OTOGL: variants seen among roughly 807,000 people sequenced by gnomAD.
OTOGL encodes the protein otogelin-like protein.
In OTOGL, 285 loss-of-function variants were observed where a neutral mutation model predicts 318.5. The ratio of observed to expected loss-of-function variants is 0.89; its 90% confidence interval spans 0.81 to 0.99. The LOEUF is 0.99. Among genes scored for constraint, OTOGL ranks in the 50% least tolerant of loss-of-function variants. OTOGL has a pLI of 0.00. For missense variants in OTOGL, 2,899 were observed against 2,845.6 expected, an observed-to-expected ratio of 1.02 and a Z score of -0.43; for synonymous variants, 987 against 936.5, an observed-to-expected ratio of 1.05 and a Z score of -0.99.
chr12:80,263,700 A>G lies in OTOGL; in HGVS notation c.2015-1301A>G, dbSNP rs180970979. Among the ~76,000 whole-genome samples, 14 of 152,144 alleles carry G rather than the reference A, an allele frequency of 9.2e-5. No individual in the cohort carries two copies. The East Asian group carries it at 2.1e-3, about 23-fold the overall frequency. The stretch of plus-strand genomic sequence containing the variant: ...CCATGAACTGTGATTTTTTTTTAAA[A>G]AAATTCAAATAGGTAAATTCAGGAA... On this transcript the variant is annotated intron_variant, in intron 19 of 58. Coordinates refer to ENST00000547103, the MANE Select transcript of OTOGL (RefSeq NM_001378609.3).
At chr12:80,219,737 A>G in intron 5 of OTOGL, 77 bp from the exon 6 acceptor site, 1 of 915,154 alleles carries the variant, frequency 1.1e-6, no homozygotes, top group Non-Finnish European at 1.7e-6. Flanking sequence ...AATTTGTCCA[A>G]GCTATATCTT....
At chr12:80,339,668 A>C (rs895852891) in intron 43 of OTOGL, among the ~76,000 whole-genome samples, 2 of 152,026 alleles carry the variant, frequency 1.3e-5, no homozygotes, top group Admixed American at 1.3e-4. Context: ...GAAAGTTTAA[A>C]GGCTTACATA....
chr12:80,363,287 A>G (rs1405110967), intron 52 of OTOGL, among the ~76,000 whole-genome samples: 1 of 152,200 alleles, frequency 6.6e-6, no homozygotes, highest in East Asian at 1.9e-4. Context: ...ATTTTATATG[A>G]TAGGAGATGG....
intron 1 of OTOGL, among the ~76,000 whole-genome samples, chr12:80,142,526 ATG>A (rs1233252206): frequency 6.6e-6 from 1 of 152,162 alleles, no homozygotes; most frequent in East Asian, 1.9e-4. Flanking sequence ...CTGTTGTTTA[ATG>A]TAAGATATCT....
intron 43 of OTOGL, 121 bp from the exon 44 acceptor site, chr12:80,341,827 A>G (rs1888786715): frequency 7.1e-6 from 5 of 703,684 alleles, no homozygotes; most frequent in Non-Finnish European, 1.2e-5. Flanking sequence ...AAGGATACAT[A>G]AACTTGGTAC....
At chr12:80,168,959 T>C (rs1411032766) in intron 1 of OTOGL, among the ~76,000 whole-genome samples, 1 of 152,208 alleles carries the variant, frequency 6.6e-6, no homozygotes, top group Non-Finnish European at 1.5e-5. Flanking sequence ...AACTTGGGCA[T>C]TTATTCATCC....
chr12:80,367,456 T>G, intron 53 of OTOGL, 105 bp from the exon 54 acceptor site: 1 of 827,878 alleles, frequency 1.2e-6, no homozygotes, highest in Non-Finnish European at 1.7e-6. Flanking sequence ...TTTTGAAAAA[T>G]TGGCACATCG....
chr12:80,289,957 T>A (rs936669972), intron 26 of OTOGL, among the ~76,000 whole-genome samples: 2 of 152,090 alleles, frequency 1.3e-5, no homozygotes, highest in African/African-American at 4.8e-5. Context: ...AAAAAAAACT[T>A]CTGCAGCTAG....
chr12:80,148,236 T>C (rs1468788092), intron 1 of OTOGL, among the ~76,000 whole-genome samples: 1 of 147,914 alleles, frequency 6.8e-6, no homozygotes, highest in Non-Finnish European at 1.5e-5. Context: ...GGAGCTCTTG[T>C]AGGGCAGGTC....
At chr12:80,300,531 C>T (rs1012445644) in intron 27 of OTOGL, among the ~76,000 whole-genome samples, 1 of 152,086 alleles carries the variant, frequency 6.6e-6, no homozygotes, top group African/African-American at 2.4e-5. Context: ...AACACGAATT[C>T]ACAGGTAAAA....
intron 9 of OTOGL, among the ~76,000 whole-genome samples, chr12:80,234,195 A>G (rs1879635713): frequency 6.6e-6 from 1 of 152,244 alleles, no homozygotes; most frequent in African/African-American, 2.4e-5. Flanking sequence ...CTGGGACTAC[A>G]GGTGCACCCT....
At chr12:80,151,994 GAGA>G (rs1872812976) in intron 1 of OTOGL, among the ~76,000 whole-genome samples, 1 of 152,180 alleles carries the variant, frequency 6.6e-6, no homozygotes, top group Non-Finnish European at 1.5e-5. Context: ...ATTAAGGTCA[GAGA>G]AGTCAAATAA....
chr12:80,260,570 T>G (rs1882445766), intron 18 of OTOGL, among the ~76,000 whole-genome samples: 1 of 152,202 alleles, frequency 6.6e-6, no homozygotes, highest in Non-Finnish European at 1.5e-5. Context: ...GTTAAAACTC[T>G]TTCTTCACAA....
intron 1 of OTOGL, among the ~76,000 whole-genome samples, chr12:80,122,202 T>C (rs1440500214): frequency 1.3e-5 from 2 of 152,260 alleles, no homozygotes; most frequent in African/African-American, 2.4e-5. Flanking sequence ...AATATACATA[T>C]ATACCTCTAC....
rs1162999940 is a variant in OTOGL at position 80,305,624 on chromosome 12, G to A, written c.3262G>A (p.Asp1088Asn). Residue 1088 changes from aspartate to asparagine, a missense_variant, in exon 29 of 59, where the codon GAT (aspartate) becomes AAT (asparagine). Physicochemically the swap from Asp to Asn is conservative, Grantham distance 23. This residue lies in a region of OTOGL where 2,607 missense variants were observed against 2,524.9 expected (regional missense o/e 1.03). Coordinates refer to ENST00000547103, the MANE Select transcript of OTOGL (RefSeq NM_001378609.3). ...CGNFDKCTSN[D>N]MTTSNNLEVR... ...AAACTTTGACAAATGCACTTCAAAT[G>A]ATATGACCACATCTAATAACTTGGA... 1 of 1,582,632 alleles carries A rather than the reference G, an allele frequency of 6.3e-7. No homozygotes were observed. The highest frequency in any genetic ancestry group is 8.5e-7 in the Non-Finnish European group (1 of 1,173,506).
chr12:80,271,066 C>T (rs1883371251), intron 23 of OTOGL, among the ~76,000 whole-genome samples: 2 of 152,120 alleles, frequency 1.3e-5, no homozygotes, highest in Admixed American at 1.3e-4. Flanking sequence ...ATGGACCACA[C>T]ACATTCGGTA....
chr12:80,346,833 T>C (rs1889227569), intron 44 of OTOGL, among the ~76,000 whole-genome samples: 1 of 152,128 alleles, frequency 6.6e-6, no homozygotes, highest in South Asian at 2.1e-4. Context: ...AAGGACCAAT[T>C]AGATGTTAGT....
At chr12:80,224,152 C>A (rs562653781) in intron 7 of OTOGL, among the ~76,000 whole-genome samples, 31 of 152,222 alleles carry the variant, frequency 2.0e-4, no homozygotes, top group African/African-American at 6.3e-4. Context: ...ATGTGGCTAG[C>A]CAATTATCCC....
intron 39 of OTOGL, 75 bp from the exon 40 acceptor site, chr12:80,336,337 AT>A: frequency 7.0e-7 from 1 of 1,422,488 alleles, no homozygotes. Context: ...AATTTAACAG[AT>A]TTTTTTAAAA....
Sources: gnomAD v4.1 joint callset for allele counts (sites outside exome capture counted in the v4.1 genomes callset) on GRCh38, gnomAD v4.1.1 for gene constraint, gnomAD v4.1.1 regional missense constraint, MANE v1.5 for transcripts, NCBI Gene and HGNC (gene_info 2026-07-23, HGNC 2026-07-21) for gene names.